Variants in PLEKHA5 observed in about 807,000 individuals in gnomAD.
PLEKHA5 encodes pleckstrin homology domain-containing family A member 5.
A neutral mutation model predicts 181.9 loss-of-function variants in PLEKHA5; 55 were observed. The ratio of observed to expected loss-of-function variants is 0.30; its 90% confidence interval spans 0.24 to 0.38. PLEKHA5 has a LOEUF of 0.38. PLEKHA5 is among the 10% of genes least tolerant of loss of function. The pLI is 1.00. For synonymous variants in PLEKHA5, 535 were observed against 529.4 expected, an observed-to-expected ratio of 1.01 and a Z score of -0.15; for missense variants, 1,432 against 1,549.5, an observed-to-expected ratio of 0.92 and a Z score of 1.27.
Position 19,301,450 on chromosome 12 carries a change from A to T in PLEKHA5, c.2037+9753A>T, listed in dbSNP as rs532778656. Among the ~76,000 whole-genome samples, 33 of 152,156 alleles carry T rather than the reference A, an allele frequency of 2.2e-4. No homozygotes were observed. The South Asian group carries it at 6.8e-3, about 32-fold the overall frequency. On this transcript the variant is annotated intron_variant, in intron 15 of 31. Transcript: ENST00000429027. The stretch of plus-strand genomic sequence containing the variant: ...CTTGCTTGAAATTAAAGGAACAGGG[A>T]TTAGGAAAAGGCCATTAAACAAGGA...
At chr12:19,254,925 G>C in intron 4 of PLEKHA5, 120 bp from the exon 5 acceptor site, 1 of 802,918 alleles carries the variant, frequency 1.2e-6, no homozygotes, top group Non-Finnish European at 1.9e-6. Flanking sequence ...TGACTCTAGA[G>C]TAACTAGGAT....
intron 3 of PLEKHA5, among the ~76,000 whole-genome samples, chr12:19,169,781 G>A (rs1397566801): frequency 6.6e-6 from 1 of 152,090 alleles, no homozygotes; most frequent in Non-Finnish European, 1.5e-5. Flanking sequence ...AGATTTAATT[G>A]GGCCACAGTC....
rs572283583 is a variant in PLEKHA5, at chr12:19,156,094, C to G, written c.227+23644C>G. Among the ~76,000 whole-genome samples the G allele has an allele frequency of 3.3e-5, 5 of 152,198 alleles. No individual in the cohort carries two copies. In the South Asian group the frequency reaches 8.3e-4, roughly 25 times the overall value. ...TTATAATCTTGCTTTTTGAGCTTTC[C>G]TATATCAGTTATCGCGCAAAGTTCT... On this transcript the variant is annotated intron_variant, in intron 3 of 31. Coordinates refer to ENST00000429027, the MANE Select transcript of PLEKHA5 (RefSeq NM_001256470.2).
chr12:19,219,174 A>C (rs527926978), intron 3 of PLEKHA5, among the ~76,000 whole-genome samples: 1 of 152,116 alleles, frequency 6.6e-6, no homozygotes, highest in African/African-American at 2.4e-5. Context: ...TTTCACATAC[A>C]TGGGCTCTGC....
At chr12:19,159,871 T>C (rs1035767750) in intron 3 of PLEKHA5, among the ~76,000 whole-genome samples, 1 of 152,132 alleles carries the variant, frequency 6.6e-6, no homozygotes. Flanking sequence ...TTTTTATGTA[T>C]ATACAGGAAT....
At chr12:19,336,682 G>A in intron 21 of PLEKHA5, 66 bp downstream of exon 21, 1 of 881,412 alleles carries the variant, frequency 1.1e-6, no homozygotes, top group Non-Finnish European at 1.8e-6. Context: ...AATCCACCTT[G>A]TTAGATTTAC....
intron 3 of PLEKHA5, among the ~76,000 whole-genome samples, chr12:19,248,091 C>T (rs766895058): frequency 2.0e-5 from 3 of 151,896 alleles, no homozygotes; most frequent in Non-Finnish European, 2.9e-5. Context: ...GGTGTGATGG[C>T]GTGCACCTTT....
intron 20 of PLEKHA5, among the ~76,000 whole-genome samples, chr12:19,333,701 C>G (rs1044076187): frequency 5.9e-5 from 9 of 151,768 alleles, no homozygotes; most frequent in South Asian, 4.2e-4. Flanking sequence ...CTCCACCCCC[C>G]AGGTTCAAGC....
chr12:19,224,339 T>C (rs1442621865), intron 3 of PLEKHA5, among the ~76,000 whole-genome samples: 3 of 152,184 alleles, frequency 2.0e-5, no homozygotes, highest in Non-Finnish European at 4.4e-5. Context: ...CCAGGAATGA[T>C]GAAGTTTGGA....
At position 19,359,477 on chromosome 12, in the gene PLEKHA5, T is replaced by C. The variant is rs2095115741; in HGVS notation, c.3414T>C (p.His1138=). 5 of 1,613,690 alleles carry C rather than the reference T, an allele frequency of 3.1e-6. No individual in the cohort carries two copies. Among genetic ancestry groups the C allele is most frequent in the Non-Finnish European group, 4.2e-6 (5 of 1,179,654 alleles). The change falls in exon 28 of 32, where the codon CAT becomes CAC. Residue 1138 remains histidine, a synonymous_variant. Coordinates refer to ENST00000429027, the MANE Select transcript of PLEKHA5 (RefSeq NM_001256470.2). The part of the protein sequence containing the change: ...AIRENDVKPD[H]ETPATEIVQL... ...GAGAAAATGATGTAAAGCCAGACCA[T>C]GAAACTCCTGCAACAGAAATTGTTC...
chr12:19,243,009 AG>A (rs2062958633), intron 3 of PLEKHA5, among the ~76,000 whole-genome samples: 1 of 152,168 alleles, frequency 6.6e-6, no homozygotes, highest in South Asian at 2.1e-4. Context: ...GAATTGGGAA[AG>A]CTTTCATTAC....
At chr12:19,209,806 A>G (rs1178474560) in intron 3 of PLEKHA5, among the ~76,000 whole-genome samples, 3 of 152,196 alleles carry the variant, frequency 2.0e-5, no homozygotes, top group Non-Finnish European at 2.9e-5. Context: ...GACTTTCTCA[A>G]GGGCCAAGGA....
At chr12:19,316,018 G>T (rs1565607397) in intron 16 of PLEKHA5, among the ~76,000 whole-genome samples, 1 of 151,532 alleles carries the variant, frequency 6.6e-6, no homozygotes, top group Non-Finnish European at 1.5e-5. Context: ...AAAGAAAATG[G>T]AATCTTTCAA....
rs528293169 is a variant in PLEKHA5 at position 19,342,968 on chromosome 12, G to A, written c.2551-355G>A. Among the ~76,000 whole-genome samples, 7 of 151,878 alleles carry A rather than the reference G, an allele frequency of 4.6e-5. No homozygotes were observed. The South Asian group carries it at 1.5e-3, about 32-fold the overall frequency. Reference sequence around the variant, plus strand: ...CTCCCAGAAATTATTTTTTCTTTTGGGGTTTGTTTCTGCTCTGTTTTCATT... The same window carrying A: ...CTCCCAGAAATTATTTTTTCTTTTGAGGTTTGTTTCTGCTCTGTTTTCATT... On this transcript the variant is annotated intron_variant, in intron 21 of 31. Coordinates refer to ENST00000429027, the MANE Select transcript of PLEKHA5 (RefSeq NM_001256470.2).
intron 3 of PLEKHA5, chr12:19,176,488 A>C (rs1256562595): frequency 6.6e-6 from 1 of 152,042 alleles, no homozygotes; most frequent in Non-Finnish European, 1.5e-5. Context: ...CGGACACGCT[A>C]TCAGCATAGC....
chr12:19,346,007 ATTG>A, intron 23 of PLEKHA5, 119 bp downstream of exon 23: 1 of 475,568 alleles, frequency 2.1e-6, no homozygotes, highest in Non-Finnish European at 3.8e-6. Flanking sequence ...TTGAACAGAT[ATTG>A]TTTTAGTCTT....
At chr12:19,139,754 C>CA (rs1476497593) in intron 3 of PLEKHA5, among the ~76,000 whole-genome samples, 3 of 152,184 alleles carry the variant, frequency 2.0e-5, no homozygotes, top group Non-Finnish European at 4.4e-5. Context: ...AGGCATTTCT[C>CA]ACAGTTAAGC....
chr12:19,219,183 G>A (rs1280088134), intron 3 of PLEKHA5, among the ~76,000 whole-genome samples: 1 of 152,062 alleles, frequency 6.6e-6, no homozygotes, highest in Non-Finnish European at 1.5e-5. Context: ...CATGGGCTCT[G>A]CAAGGACTTG....
At chr12:19,243,855 A>G (rs188547512) in intron 3 of PLEKHA5, among the ~76,000 whole-genome samples, 30 of 152,346 alleles carry the variant, frequency 2.0e-4, no homozygotes, top group African/African-American at 6.5e-4. Context: ...GTTTCAAGAA[A>G]GGCAAAGCAC....
Sources: allele counts gnomAD v4.1 joint callset (sites outside exome capture counted in the v4.1 genomes callset), GRCh38; gene constraint gnomAD v4.1.1; transcripts MANE v1.5; gene names NCBI Gene and HGNC (gene_info 2026-07-23, HGNC 2026-07-21).